Variants in DOCK7 observed in about 807,000 individuals in gnomAD.
The protein encoded by DOCK7 is dedicator of cytokinesis protein 7.
A neutral mutation model predicts 271.0 loss-of-function variants in DOCK7; 138 were observed. The ratio of observed to expected loss-of-function variants is 0.51; its 90% CI spans 0.44 to 0.59. DOCK7 has a LOEUF of 0.59. Ranked by LOEUF, DOCK7 falls within the 20% of genes least tolerant of loss-of-function variation. DOCK7 has a pLI of 0.00. For synonymous variants in DOCK7, 823 were observed against 876.1 expected, an observed-to-expected ratio of 0.94 and a Z score of 1.07; for missense variants, 2,066 against 2,592.4, an observed-to-expected ratio of 0.80 and a Z score of 4.41.
At chr1:62,615,315 A>T (rs923431068) in intron 14 of DOCK7, among the ~76,000 whole-genome samples, 7 of 151,852 alleles carry the variant, frequency 4.6e-5, no homozygotes, top group Non-Finnish European at 8.9e-5. Flanking sequence ...ATACTCTTAT[A>T]CTAGAAAATT....
rs12403207 is a variant in DOCK7, at chr1:62,527,949, T to C, written c.3936+202A>G. ...AATTCTGAATGACAGAATACGGGGC[T>C]TTTTCCCATAAACCTTGAGGTAATC... On this transcript the variant is annotated intron_variant, in intron 31 of 49. Transcript: ENST00000635253. 0.58 allele frequency among the ~76,000 whole-genome samples: 87,649 copies of C among 151,340 alleles called. 27,175 individuals carry two copies. Among genetic ancestry groups the C allele is most frequent in the East Asian group, 0.76 (3,885 of 5,144 alleles).
intron 14 of DOCK7, among the ~76,000 whole-genome samples, chr1:62,595,247 T>C (rs1571691657): frequency 6.6e-6 from 1 of 152,210 alleles, no homozygotes; most frequent in Non-Finnish European, 1.5e-5. Flanking sequence ...TAAAATACTA[T>C]AGTATGGGTA....
intron 48 of DOCK7, among the ~76,000 whole-genome samples, chr1:62,461,677 T>TAAATA (rs71045843): frequency 0.087 from 11,781 of 134,842 alleles, 683 homozygotes; most frequent in African/African-American, 0.16. Context: ...TCTCAAAAAA[T>TAAATA]AAATAAAATA....
chr1:62,574,278 G>A (rs1304893139), intron 18 of DOCK7, among the ~76,000 whole-genome samples: 4 of 152,180 alleles, frequency 2.6e-5, no homozygotes, highest in Non-Finnish European at 5.9e-5. Context: ...TTATACCACT[G>A]AAAATGCTAT....
At chr1:62,604,353 C>T in intron 14 of DOCK7, 1 of 1,282,598 alleles carries the variant, frequency 7.8e-7, no homozygotes, top group South Asian at 1.3e-5. Context: ...AGCGTTTTCT[C>T]TCTAGACGAA....
intron 1 of DOCK7, among the ~76,000 whole-genome samples, chr1:62,665,268 C>A (rs1344233847): frequency 6.6e-6 from 1 of 151,978 alleles, no homozygotes; most frequent in African/African-American, 2.4e-5. Context: ...GGATTACAGG[C>A]AGGAGCCACC....
At position 62,489,032 on chromosome 1, in the gene DOCK7, T is replaced by G; in HGVS notation, c.5395A>C (p.Lys1799Gln). 6.2e-7 allele frequency: 1 copy of G among 1,604,904 alleles called. No homozygotes were observed. ...GCTTCATGAATAGGAATAAGTACTT[T>G]GTAAACTTCATTAACTGCTTCATAC... ...GMYEAVNEVY[K>Q]VLIPIHEANR... Residue 1799 changes from lysine to glutamine, a missense_variant, in exon 42 of 50, where the codon AAA becomes CAA. Coordinates refer to ENST00000635253, the MANE Select transcript of DOCK7 (RefSeq NM_001367561.1).
At position 62,598,395 on chromosome 1, in the gene DOCK7, G is replaced by A. The variant is rs551871737; in HGVS notation, c.1683-11771C>T. ...AAAAAAAATTTAAAACTATTCTCCAGTGTTTAAAACAGATTAAATAATACA... is the reference window on the plus strand; with the variant it reads ...AAAAAAAATTTAAAACTATTCTCCAATGTTTAAAACAGATTAAATAATACA... On this transcript the variant is annotated intron_variant, in intron 14 of 49. Transcript: ENST00000635253. Among the ~76,000 whole-genome samples, 4 of 151,906 alleles carry A rather than the reference G, an allele frequency of 2.6e-5. No individual in the cohort carries two copies. The South Asian group carries it at 6.2e-4, about 24-fold the overall frequency.
intron 25 of DOCK7, among the ~76,000 whole-genome samples, chr1:62,540,094 T>C (rs1222693037): frequency 6.6e-6 from 1 of 151,900 alleles, no homozygotes; most frequent in African/African-American, 2.4e-5. Context: ...CATATTACTT[T>C]CAGAAAATTA....
intron 31 of DOCK7, among the ~76,000 whole-genome samples, chr1:62,522,888 C>G (rs1472666983): frequency 6.6e-6 from 1 of 151,854 alleles, no homozygotes; most frequent in African/African-American, 2.4e-5. Context: ...AAAATTGATT[C>G]TATTTCCATA....
intron 2 of DOCK7, among the ~76,000 whole-genome samples, chr1:62,658,909 C>T (rs1658337062): frequency 6.6e-6 from 1 of 151,066 alleles, no homozygotes; most frequent in African/African-American, 2.4e-5. Flanking sequence ...GCTGAGATTG[C>T]ACCACTACAC....
At chr1:62,558,037 T>C (rs1010343012) in intron 20 of DOCK7, among the ~76,000 whole-genome samples, 1 of 152,154 alleles carries the variant, frequency 6.6e-6, no homozygotes, top group African/African-American at 2.4e-5. Flanking sequence ...TAAGACCAGA[T>C]TCTTCAAAGG....
intron 14 of DOCK7, among the ~76,000 whole-genome samples, chr1:62,617,207 A>G (rs542459023): frequency 3.3e-5 from 5 of 151,910 alleles, no homozygotes; most frequent in African/African-American, 4.8e-5. Flanking sequence ...CAAGGGAGGA[A>G]ATAATTGATT....
chr1:62,558,197 G>A (rs1446168773), intron 20 of DOCK7, among the ~76,000 whole-genome samples: 2 of 152,122 alleles, frequency 1.3e-5, no homozygotes, highest in East Asian at 3.9e-4. Flanking sequence ...AGTTCATTAT[G>A]TCTGTGTACT....
Position 62,654,097 on chromosome 1 carries a change from C to A in DOCK7, c.207G>T (p.Leu69Phe), listed in dbSNP as rs1161766677. The change falls in exon 3 of 50, where the codon TTG becomes TTT. Residue 69 changes from leucine to phenylalanine, a missense_variant. Leu to Phe is a conservative substitution (Grantham distance 22). This residue lies in a region of DOCK7 where 1,414 missense variants were observed against 1,670.4 expected (regional missense o/e 0.85). Coordinates refer to ENST00000635253, the MANE Select transcript of DOCK7 (RefSeq NM_001367561.1). ...DLEDYLITHP[L>F]AVDSGPLRDL... ...CCCGTAAAGGCCCAGAATCCACAGC[C>A]AAAGGATGAGTAATGAGGTAATCTT... is the stretch of plus-strand genomic sequence containing the variant. 6.2e-7 allele frequency: 1 copy of A among 1,613,828 alleles called. No individual in the cohort carries two copies. The highest frequency in any genetic ancestry group is 1.7e-5 in the Admixed American group (1 of 59,968).
At chr1:62,466,159 TGAA>T (rs1020656334) in intron 48 of DOCK7, among the ~76,000 whole-genome samples, 13 of 151,966 alleles carry the variant, frequency 8.6e-5, no homozygotes, top group African/African-American at 2.9e-4. Context: ...CAAAAATCAC[TGAA>T]GAAGGGGAAT....
chr1:62,560,810 A>G (rs1262356252), intron 19 of DOCK7, among the ~76,000 whole-genome samples: 1 of 152,184 alleles, frequency 6.6e-6, no homozygotes, highest in Admixed American at 6.5e-5. Flanking sequence ...TGTACTTCAA[A>G]GAATTTAGTT....
At position 62,583,388 on chromosome 1, in the gene DOCK7, C is replaced by T. The variant is rs1647196260; in HGVS notation, c.1801-134G>A. On this transcript the variant is annotated intron_variant, in intron 15 of 49. Transcript: ENST00000635253. The stretch of plus-strand genomic sequence containing the variant: ...ATCAGCCCAATGAAGAACAATGTGC[C>T]TACTGACGTTCATCAAAAAGTTCAA... 1.2e-5 allele frequency: 8 copies of T among 666,276 alleles called. No individual in the cohort carries two copies. The South Asian group carries it at 1.6e-4, about 14-fold the overall frequency. The allele number at this position is 666,276 out of a possible 1,614,324, so 41.3% of individuals were successfully genotyped here.
At chr1:62,585,890 A>C (rs114260286) in intron 15 of DOCK7, among the ~76,000 whole-genome samples, 9 of 152,178 alleles carry the variant, frequency 5.9e-5, no homozygotes, top group Non-Finnish European at 1.3e-4. Context: ...AAAATACTGA[A>C]ACCTGGTCCA....
Sources: allele counts gnomAD v4.1 joint callset (sites outside exome capture counted in the v4.1 genomes callset), GRCh38; gene constraint gnomAD v4.1.1; regional missense constraint gnomAD v4.1.1; transcripts MANE v1.5; gene names NCBI Gene and HGNC (gene_info 2026-07-23, HGNC 2026-07-21).